The following KCTD16 variants were observed in gnomAD, a reference collection of about 807,000 sequenced individuals.
KCTD16 encodes the protein potassium channel tetramerization domain containing 16.
A neutral mutation model predicts 33.2 loss-of-function variants in KCTD16; 13 were observed. The ratio of observed to expected loss-of-function variants is 0.39; its 90% CI spans 0.25 to 0.62. KCTD16 has a LOEUF of 0.62. KCTD16 is among the 20% of genes least tolerant of loss of function. The pLI is 0.50. For missense variants in KCTD16, 441 were observed against 525.1 expected, an observed-to-expected ratio of 0.84 and a Z score of 1.57; for synonymous variants, 197 against 195.3, an observed-to-expected ratio of 1.01 and a Z score of -0.07.
chr5:144,240,603 A>T (rs899348199), intron 3 of KCTD16, among the ~76,000 whole-genome samples: 1 of 152,094 alleles, frequency 6.6e-6, no homozygotes, highest in African/African-American at 2.4e-5. Flanking sequence ...GTTTCCGCTA[A>T]TATTCTCTTT....
intron 3 of KCTD16, among the ~76,000 whole-genome samples, chr5:144,229,560 A>G (rs1754036256): frequency 6.6e-6 from 1 of 152,220 alleles, no homozygotes. Context: ...ATATTATTTC[A>G]TCTTAATAAT....
intron 3 of KCTD16, among the ~76,000 whole-genome samples, chr5:144,312,676 T>C (rs961647403): frequency 6.6e-6 from 1 of 152,184 alleles, no homozygotes; most frequent in Non-Finnish European, 1.5e-5. Context: ...CTTCTTCAAA[T>C]GAGAAGGTGT....
intron 3 of KCTD16, among the ~76,000 whole-genome samples, chr5:144,458,569 GT>G (rs1384326325): frequency 1.3e-5 from 2 of 152,172 alleles, no homozygotes; most frequent in Admixed American, 6.5e-5. Context: ...AAAGCCAAAT[GT>G]CTTAGACTCT....
chr5:144,206,734 G>C lies in KCTD16; in HGVS notation c.20G>C (p.Cys7Ser), dbSNP rs1238873225. Residue 7 changes from cysteine to serine, a missense_variant, in exon 3 of 4, where the codon TGT becomes TCT. Cys to Ser is a moderately radical substitution (Grantham distance 112). This residue lies in a region of KCTD16 where 80 missense variants were observed against 88.5 expected (regional missense o/e 0.90). Transcript: ENST00000512467. The stretch of plus-strand genomic sequence containing the variant: ...GGGACAATGGCTCTGAGTGGAAACT[G>C]TAGTCGTTATTATCCTCGAGAACAA... MALSGN[C>S]SRYYPREQGS... 1.2e-6 allele frequency: 2 copies of C among 1,613,560 alleles called. No homozygotes were observed. Among genetic ancestry groups the C allele is most frequent in the South Asian group, 2.2e-5 (2 of 91,018 alleles).
rs187652610 is a variant in KCTD16, at chr5:144,385,017, A to C, written c.833-88643A>C. Among the ~76,000 whole-genome samples, 28 of 152,342 alleles carry C rather than the reference A, an allele frequency of 1.8e-4. No individual in the cohort carries two copies. The East Asian group carries it at 4.4e-3, about 24-fold the overall frequency. ...CTGTTGGAAGTCTGACATTCAAATAAGTGGGACATTATGGCCTGTATTTTG... is the reference window on the plus strand; with the variant it reads ...CTGTTGGAAGTCTGACATTCAAATACGTGGGACATTATGGCCTGTATTTTG... On this transcript the variant is annotated intron_variant, in intron 3 of 3. Coordinates refer to ENST00000512467, the MANE Select transcript of KCTD16 (RefSeq NM_020768.4).
At chr5:144,417,140 G>C (rs1428943160) in intron 3 of KCTD16, among the ~76,000 whole-genome samples, 2 of 152,206 alleles carry the variant, frequency 1.3e-5, no homozygotes, top group African/African-American at 2.4e-5. Flanking sequence ...AGTGTCACAT[G>C]GTAATTCTAC....
chr5:144,297,614 T>C (rs1315332336), intron 3 of KCTD16, among the ~76,000 whole-genome samples: 16 of 152,162 alleles, frequency 1.1e-4, no homozygotes, highest in Admixed American at 1.0e-3. Flanking sequence ...TTTCCTAGGC[T>C]AAGAATCCCT....
intron 2 of KCTD16, among the ~76,000 whole-genome samples, chr5:144,182,766 G>C (rs1314793917): frequency 1.3e-5 from 2 of 151,784 alleles, no homozygotes; most frequent in Non-Finnish European, 2.9e-5. Context: ...GAGAGAAAGA[G>C]AGAGAGAGAG....
intron 1 of KCTD16, among the ~76,000 whole-genome samples, chr5:144,171,526 T>C (rs1205745499): frequency 6.6e-6 from 1 of 152,186 alleles, no homozygotes; most frequent in Non-Finnish European, 1.5e-5. Flanking sequence ...TGCTTAGCAG[T>C]AGCATCCCTA....
At chr5:144,315,175 G>A (rs758338078) in intron 3 of KCTD16, among the ~76,000 whole-genome samples, 10 of 152,180 alleles carry the variant, frequency 6.6e-5, no homozygotes, top group Non-Finnish European at 1.3e-4. Context: ...CCAGAGAACT[G>A]CCTCTTACAT....
chr5:144,256,854 G>C (rs987284611), intron 3 of KCTD16, among the ~76,000 whole-genome samples: 11 of 151,950 alleles, frequency 7.2e-5, no homozygotes, highest in African/African-American at 2.7e-4. Context: ...ATTATATATT[G>C]GGTAGAGGAC....
At chr5:144,403,903 A>G (rs1379678695) in intron 3 of KCTD16, among the ~76,000 whole-genome samples, 1 of 152,176 alleles carries the variant, frequency 6.6e-6, no homozygotes, top group Admixed American at 6.5e-5. Flanking sequence ...TCTATTTGGT[A>G]GAACAAACTT....
intron 3 of KCTD16, among the ~76,000 whole-genome samples, chr5:144,382,605 G>A (rs1166683621): frequency 2.0e-5 from 3 of 152,052 alleles, no homozygotes; most frequent in African/African-American, 7.2e-5. Flanking sequence ...TAAACTACAA[G>A]AAAACTGGAA....
chr5:144,393,044 T>G (rs1391379134), intron 3 of KCTD16, among the ~76,000 whole-genome samples: 2 of 152,214 alleles, frequency 1.3e-5, no homozygotes, highest in African/African-American at 4.8e-5. Context: ...TAAACTCCAT[T>G]TTTACACATA....
intron 3 of KCTD16, among the ~76,000 whole-genome samples, chr5:144,434,684 CTTGTTGAAGTGATTAGAATA>C (rs1308474306): frequency 6.6e-6 from 1 of 152,122 alleles, no homozygotes; most frequent in African/African-American, 2.4e-5. Flanking sequence ...CTCCTTCATT[CTTGTTGAAGTGATTAGAATA>C]TTGGCCTAAT....
intron 3 of KCTD16, among the ~76,000 whole-genome samples, chr5:144,309,593 G>A (rs1751705391): frequency 6.6e-6 from 1 of 151,998 alleles, no homozygotes; most frequent in Admixed American, 6.6e-5. Flanking sequence ...TACTGTTTTG[G>A]GCCAAATATT....
intron 3 of KCTD16, among the ~76,000 whole-genome samples, chr5:144,469,410 C>A (rs1306397861): frequency 6.6e-6 from 1 of 152,122 alleles, no homozygotes; most frequent in African/African-American, 2.4e-5. Flanking sequence ...ATGTGATATT[C>A]CAGCTAGATC....
chr5:144,401,882 A>G (rs905621058), intron 3 of KCTD16, among the ~76,000 whole-genome samples: 3 of 152,210 alleles, frequency 2.0e-5, no homozygotes, highest in Non-Finnish European at 4.4e-5. Flanking sequence ...ACAGGCTTAT[A>G]TGTGATAGAA....
chr5:144,265,728 T>C (rs1421835689), intron 3 of KCTD16, among the ~76,000 whole-genome samples: 1 of 152,226 alleles, frequency 6.6e-6, no homozygotes, highest in East Asian at 1.9e-4. Flanking sequence ...TGTGTGATAA[T>C]CAAGATGTAT....
Sources: gnomAD v4.1 joint callset for allele counts (sites outside exome capture counted in the v4.1 genomes callset) on GRCh38, gnomAD v4.1.1 for gene constraint, gnomAD v4.1.1 regional missense constraint, MANE v1.5 for transcripts, NCBI Gene and HGNC (gene_info 2026-07-23, HGNC 2026-07-21) for gene names.